The following CD200 variants were observed in gnomAD, a reference collection of about 807,000 sequenced individuals.
CD200 encodes the protein CD200 molecule.
A neutral mutation model predicts 30.9 loss-of-function variants in CD200; 15 were observed. The observed-to-expected ratio is 0.49, with a 90% CI of 0.32 to 0.75. The LOEUF is 0.75. Among genes scored for constraint, CD200 ranks in the 30% least tolerant of loss-of-function variants. The pLI, the probability that CD200 is intolerant of heterozygous loss-of-function variation, is 0.03. For synonymous variants in CD200, 134 were observed against 126.2 expected, an observed-to-expected ratio of 1.06 and a Z score of -0.41; for missense variants, 262 against 324.2, an observed-to-expected ratio of 0.81 and a Z score of 1.47.
In CD200 at chr3:112,333,199, C is replaced by A. The variant is rs1296061504; in HGVS notation, c.-14C>A. Reference sequence around the variant, plus strand: ...CCGCAGTCAGCCACCTCGCGCGCGCCTCCAGGAGCAAGGATGGAGAGGCTG... The same window carrying A: ...CCGCAGTCAGCCACCTCGCGCGCGCATCCAGGAGCAAGGATGGAGAGGCTG... On this transcript the variant is annotated 5_prime_UTR_variant, in exon 1 of 6. Coordinates refer to ENST00000315711, the MANE Select transcript of CD200 (RefSeq NM_005944.7). 1 of 1,549,958 alleles carries A rather than the reference C, an allele frequency of 6.5e-7. No homozygotes were observed. The highest frequency in any genetic ancestry group is 1.2e-5 in the South Asian group (1 of 84,014).
intron 5 of CD200, among the ~76,000 whole-genome samples, chr3:112,357,991 T>C (rs1345204782): frequency 6.6e-6 from 1 of 152,204 alleles, no homozygotes; most frequent in Admixed American, 6.5e-5. Context: ...TTCAAGGGTA[T>C]GGGTGGCCAG....
chr3:112,349,074 C>G (rs543621164), intron 4 of CD200, among the ~76,000 whole-genome samples: 28 of 152,188 alleles, frequency 1.8e-4, no homozygotes, highest in African/African-American at 6.3e-4. Flanking sequence ...AATGATGTGA[C>G]GAATCCCATT....
At chr3:112,358,162 C>A (rs964322508) in intron 5 of CD200, among the ~76,000 whole-genome samples, 1 of 152,122 alleles carries the variant, frequency 6.6e-6, no homozygotes, top group African/African-American at 2.4e-5. Context: ...ACATGCAGTA[C>A]GTGTTTGGGA....
chr3:112,342,381 C>T (rs2081279414), intron 2 of CD200, among the ~76,000 whole-genome samples: 8 of 42,018 alleles, frequency 1.9e-4, no homozygotes, highest in African/African-American at 6.7e-4. Flanking sequence ...TTCTTTCTTT[C>T]TTTCTTTCTT....
At chr3:112,356,720 G>A (rs975767158) in intron 5 of CD200, among the ~76,000 whole-genome samples, 1 of 152,184 alleles carries the variant, frequency 6.6e-6, no homozygotes, top group Non-Finnish European at 1.5e-5. Context: ...ATTTTAGCAA[G>A]GATGATTGCA....
intron 1 of CD200, 64 bp downstream of exon 1, chr3:112,333,288 G>A: frequency 1.3e-6 from 2 of 1,519,284 alleles, no homozygotes; most frequent in South Asian, 1.2e-5. Context: ...GGTGGCCCTG[G>A]GGCGGGCGGC....
Position 112,360,950 on chromosome 3 carries a change from C to T in CD200, c.803-593C>T, listed in dbSNP as rs75344103. Among the ~76,000 whole-genome samples the T allele has an allele frequency of 3.0e-3, 456 of 152,286 alleles. 9 individuals carry two copies. The highest frequency in any genetic ancestry group is 0.025 in the Admixed American group (383 of 15,304). ...TTGAACATATTCCTTTACTTGTAGT[C>T]TTAGGTGATTTTCTAAACCATTATT... is the stretch of plus-strand genomic sequence containing the variant. On this transcript the variant is annotated intron_variant, in intron 5 of 5. Transcript: ENST00000315711.
chr3:112,333,497 G>A, intron 1 of CD200: 1 of 985,460 alleles, frequency 1.0e-6, no homozygotes, highest in Non-Finnish European at 1.2e-6. Context: ...ACCAGGCCGG[G>A]GCTCCGGGGG....
chr3:112,358,415 G>A (rs1370338075), intron 5 of CD200, among the ~76,000 whole-genome samples: 2 of 152,100 alleles, frequency 1.3e-5, no homozygotes, highest in South Asian at 2.1e-4. Flanking sequence ...TTCTAAAAAC[G>A]TGCGTATACT....
intron 5 of CD200, among the ~76,000 whole-genome samples, chr3:112,358,269 T>C (rs2081666832): frequency 6.6e-6 from 1 of 152,192 alleles, no homozygotes; most frequent in Non-Finnish European, 1.5e-5. Context: ...TCTGTTGTTT[T>C]TCTCATCAAC....
At chr3:112,360,333 A>AAAAAAAAT (rs879786648) in intron 5 of CD200, among the ~76,000 whole-genome samples, 1 of 141,196 alleles carries the variant, frequency 7.1e-6, no homozygotes, top group East Asian at 1.9e-4. Flanking sequence ...ATCTAAAAAA[A>AAAAAAAAT]ATATATATAT....
intron 5 of CD200, among the ~76,000 whole-genome samples, chr3:112,350,946 T>G (rs1360627970): frequency 2.0e-5 from 3 of 152,182 alleles, no homozygotes; most frequent in Non-Finnish European, 4.4e-5. Context: ...CAGTGGCCCT[T>G]TTGCAAAAGT....
chr3:112,342,328 TCTTTCTTTC>T (rs767855239), intron 2 of CD200, among the ~76,000 whole-genome samples: 1,180 of 24,432 alleles, frequency 0.048, 166 homozygotes, highest in African/African-American at 0.088. Flanking sequence ...TTTCTTTCTT[TCTTTCTTTC>T]CTTCTTTCTT....
chr3:112,342,487 G>A (rs1576596716), intron 2 of CD200, among the ~76,000 whole-genome samples: 3 of 149,454 alleles, frequency 2.0e-5, no homozygotes, highest in African/African-American at 7.4e-5. Flanking sequence ...CAGTGGCACA[G>A]TCTCAGCTCA....
intron 5 of CD200, among the ~76,000 whole-genome samples, chr3:112,358,907 G>A (rs2081681093): frequency 6.6e-6 from 1 of 151,354 alleles, no homozygotes; most frequent in African/African-American, 2.4e-5. Flanking sequence ...GAGAAAGAAA[G>A]AAAAGTGAGA....
chr3:112,334,221 G>T (rs1391695016), intron 1 of CD200: 1 of 985,154 alleles, frequency 1.0e-6, no homozygotes, highest in Non-Finnish European at 1.2e-6. Context: ...TACATGTGGG[G>T]TAATGTGGAT....
At chr3:112,337,462 G>T (rs1320399367) in intron 1 of CD200, among the ~76,000 whole-genome samples, 3 of 152,148 alleles carry the variant, frequency 2.0e-5, no homozygotes, top group Admixed American at 2.0e-4. Context: ...AGGCTAGCTG[G>T]CAGGGAGGGG....
At chr3:112,334,292 GC>G in intron 1 of CD200, 1 of 982,366 alleles carries the variant, frequency 1.0e-6, no homozygotes, top group Non-Finnish European at 1.2e-6. Flanking sequence ...TACCAGGTGG[GC>G]AGCTGTCTGG....
intron 1 of CD200, chr3:112,335,882 C>T (rs2081103939): frequency 8.0e-7 from 1 of 1,248,150 alleles, no homozygotes; most frequent in Admixed American, 1.7e-5. Context: ...CAAGTTGGCC[C>T]CAAGAGAGCT....
Sources: allele counts gnomAD v4.1 joint callset (sites outside exome capture counted in the v4.1 genomes callset), GRCh38; gene constraint gnomAD v4.1.1; transcripts MANE v1.5; gene names NCBI Gene and HGNC (gene_info 2026-07-23, HGNC 2026-07-21).